The following DUSP8 variants were observed in gnomAD, a reference collection of about 807,000 sequenced individuals.
The protein encoded by DUSP8 is dual specificity phosphatase 8.
Under a neutral mutation model 38.7 loss-of-function variants are expected in DUSP8, and 15 were observed. The ratio of observed to expected loss-of-function variants is 0.39; its 90% CI spans 0.26 to 0.60. The LOEUF is 0.60. Among genes scored for constraint, DUSP8 ranks in the 20% least tolerant of loss-of-function variants. The pLI, the probability that DUSP8 is intolerant of heterozygous loss-of-function variation, is 0.56. For synonymous variants in DUSP8, 458 were observed against 433.9 expected, an observed-to-expected ratio of 1.06 and a Z score of -0.69; for missense variants, 768 against 915.0, an observed-to-expected ratio of 0.84 and a Z score of 2.07.
At chr11:1,570,026 C>T (rs946793454) in intron 1 of DUSP8, among the ~76,000 whole-genome samples, 6 of 152,174 alleles carry the variant, frequency 3.9e-5, no homozygotes, top group African/African-American at 1.4e-4. Context: ...TTGGCTAGTG[C>T]TGTAGGACCC....
rs1398950192 is a variant in DUSP8 at position 1,558,812 on chromosome 11, C to T, written c.537+77G>A. The stretch of plus-strand genomic sequence containing the variant: ...TCAGCTCCTTTCCTCCCTCATCCCC[C>T]GCTCCGCTGCCAAGCTGCTTCTGGA... On this transcript the variant is annotated intron_variant, in intron 4 of 6. Coordinates refer to ENST00000397374, the MANE Select transcript of DUSP8 (RefSeq NM_004420.3). The surrounding 1 kb of genome is among the most constrained non-coding windows in gnomAD (Gnocchi z 6.3). The T allele has an allele frequency of 6.6e-5, 100 of 1,506,110 alleles. No homozygotes were observed. Among genetic ancestry groups the T allele is most frequent in the Non-Finnish European group, 7.4e-5 (82 of 1,115,546 alleles). 93.3% of individuals were successfully genotyped at this position (1,506,110 alleles called of 1,614,324 possible). A position where few individuals can be genotyped will look rare whatever the true frequency, so the allele number is the denominator to read the frequency against.
At chr11:1,562,149 C>G (rs1416625396) in intron 3 of DUSP8, among the ~76,000 whole-genome samples, 2 of 152,178 alleles carry the variant, frequency 1.3e-5, no homozygotes, top group Non-Finnish European at 2.9e-5. Context: ...CCCACCTGCA[C>G]ACCCATGCTG....
At position 1,558,874 on chromosome 11, in the gene DUSP8, C is replaced by T; in HGVS notation, c.537+15G>A. 6.3e-7 allele frequency: 1 copy of T among 1,598,710 alleles called. No homozygotes were observed. Among genetic ancestry groups the T allele is most frequent in the South Asian group, 1.1e-5 (1 of 90,192 alleles). On this transcript the variant is annotated intron_variant, in intron 4 of 6. Transcript: ENST00000397374. This position sits in a 1 kb window ranked among gnomAD's most constrained non-coding sequence, Gnocchi z 6.3. ...TTTCCCATTGACCACCCCCCGAACT[C>T]CACTGCACACACACCTTGTTTAGGA...
Position 1,557,662 on chromosome 11 carries a change from C to T in DUSP8, c.822-88G>A, listed in dbSNP as rs576750165. ...CGCTGGGCACCCACGAGCTCATGTG[C>T]GCCAGGCTGGTCTCAGGCCCTCCTC... is the stretch of plus-strand genomic sequence containing the variant. On this transcript the variant is annotated intron_variant, in intron 6 of 6. Coordinates refer to ENST00000397374, the MANE Select transcript of DUSP8 (RefSeq NM_004420.3). The surrounding 1 kb of genome is among the most constrained non-coding windows in gnomAD (Gnocchi z 9.9). 4.3e-5 allele frequency: 66 copies of T among 1,546,234 alleles called. No individual in the cohort carries two copies. The highest frequency in any genetic ancestry group is 4.8e-4 in the Middle Eastern group (2 of 4,178).
chr11:1,557,841 G>T lies in DUSP8; in HGVS notation c.774C>A (p.Ile258=). The T allele has an allele frequency of 6.2e-7, 1 of 1,613,894 alleles. No homozygotes were observed. The highest frequency in any genetic ancestry group is 8.5e-7 in the Non-Finnish European group (1 of 1,180,010). ...TGCCCATGGTCTTCATGATGTAGGC[G>T]ATGGCGATGGTGGCAGAGCGGGAGA... ...AGISRSATIA[I]AYIMKTMGMS... is the part of the protein sequence containing the mutation. Residue 258 remains isoleucine, a synonymous_variant, in exon 6 of 7, where the codon ATC becomes ATA. Coordinates refer to ENST00000397374, the MANE Select transcript of DUSP8 (RefSeq NM_004420.3). The surrounding 1 kb of genome is among the most constrained non-coding windows in gnomAD (Gnocchi z 9.9).
intron 1 of DUSP8, among the ~76,000 whole-genome samples, chr11:1,570,846 C>A (rs1564938825): frequency 6.6e-6 from 1 of 152,120 alleles, no homozygotes; most frequent in Non-Finnish European, 1.5e-5. Flanking sequence ...GTGGGCTGTG[C>A]CAGAAGGGAG....
intron 3 of DUSP8, among the ~76,000 whole-genome samples, chr11:1,562,721 T>A (rs1848741980): frequency 6.6e-6 from 1 of 150,856 alleles, no homozygotes; most frequent in Non-Finnish European, 1.5e-5. Flanking sequence ...ACACACATGC[T>A]CACGTACACA....
In DUSP8 at chr11:1,557,441, G is replaced by A. The variant is rs1205892059; in HGVS notation, c.955C>T (p.Pro319Ser). Residue 319 changes from proline (P) to serine (S), a missense_variant, in exon 7 of 7, where the codon CCT becomes TCT. Physicochemically the swap from Pro to Ser is moderately conservative, Grantham distance 74. This residue lies in a region of DUSP8 where 474 missense variants were observed against 430.8 expected (regional missense o/e 1.10). Coordinates refer to ENST00000397374, the MANE Select transcript of DUSP8 (RefSeq NM_004420.3). This position sits in a 1 kb window ranked among gnomAD's most constrained non-coding sequence, Gnocchi z 9.9. ...DPGTPSGTPE[P>S]PPSPAAGAPL... ...GCCCCGGCGGCAGGACTGGGCGGAG[G>A]CTCCGGCGTCCCTGAGGGGGTGCCC... 4.5e-6 allele frequency: 7 copies of A among 1,562,914 alleles called. No individual in the cohort carries two copies. Among genetic ancestry groups the A allele is most frequent in the Non-Finnish European group, 6.0e-6 (7 of 1,166,300 alleles).
chr11:1,564,164 G>T (rs1175211781), intron 2 of DUSP8, among the ~76,000 whole-genome samples, 175 bp from the exon 3 acceptor site: 3 of 152,214 alleles, frequency 2.0e-5, no homozygotes, highest in Non-Finnish European at 1.5e-5. Flanking sequence ...TCCTCCATCT[G>T]CCAGAGGCCC....
Position 1,556,658 on chromosome 11 carries a change from C to G in DUSP8, c.1738G>C (p.Glu580Gln). ...RTGWPEEPAP[E>Q]TQFKRRSCQM... ...CAGCTGCGGCGCTTGAACTGCGTCT[C>G]CGGGGCCGGCTCCTCGGGCCAGCCG... Residue 580 changes from glutamate to glutamine, a missense_variant, in exon 7 of 7, where the codon GAG becomes CAG. Glu to Gln is a conservative substitution (Grantham distance 29). Transcript: ENST00000397374. The surrounding 1 kb of genome is among the most constrained non-coding windows in gnomAD (Gnocchi z 5.2). 7.2e-7 allele frequency: 1 copy of G among 1,394,090 alleles called. No individual in the cohort carries two copies. The highest frequency in any genetic ancestry group is 1.5e-5 in the South Asian group (1 of 64,728). The allele number at this position is 1,394,090 out of a possible 1,614,324, so 86.4% of individuals were successfully genotyped here. A position where few individuals can be genotyped will look rare whatever the true frequency, so the allele number is the denominator to read the frequency against.
chr11:1,572,505 T>C (rs1848923620), upstream of DUSP8, among the ~76,000 whole-genome samples: 9 of 151,150 alleles, frequency 6.0e-5, no homozygotes, highest in South Asian at 1.9e-3. The surrounding 1 kb of genome is among the most constrained non-coding windows in gnomAD (Gnocchi z 4.7). Flanking sequence ...GACCGGCTCT[T>C]AAAGGGACCA....
Position 1,556,878 on chromosome 11 carries a change from C to CCCGGGGCCGGCCGGCTGG in DUSP8, c.1500_1517dup (p.Gln501_Gly506dup), listed in dbSNP as rs1848634672. Reference sequence around the variant, plus strand: ...GGGAGTCGAGCGGCGGTGCCCAGGCCCCGGGGCCGGCCGGCTGGCCAGGGC... The same window carrying CCCGGGGCCGGCCGGCTGG: ...GGGAGTCGAGCGGCGGTGCCCAGGCCCCGGGGCCGGCCGGCTGGCCGGGGCCGGCCGGCTGGCCAGGGC... On this transcript the variant is annotated inframe_insertion, in exon 7 of 7. Transcript: ENST00000397374. The surrounding 1 kb of genome is among the most constrained non-coding windows in gnomAD (Gnocchi z 5.2). 2 of 1,110,636 alleles carry CCCGGGGCCGGCCGGCTGG rather than the reference C, an allele frequency of 1.8e-6. No individual in the cohort carries two copies. The highest frequency in any genetic ancestry group is 5.1e-5 in the Admixed American group (1 of 19,582). 68.8% of individuals were successfully genotyped at this position (1,110,636 alleles called of 1,614,324 possible). A position where few individuals can be genotyped will look rare whatever the true frequency, so the allele number is the denominator to read the frequency against.
chr11:1,557,619 C>A lies in DUSP8; in HGVS notation c.822-45G>T, dbSNP rs1848656937. The A allele has an allele frequency of 2.0e-6, 3 of 1,496,654 alleles. No homozygotes were observed. The highest frequency in any genetic ancestry group is 2.7e-6 in the Non-Finnish European group (3 of 1,126,870). The allele number at this position is 1,496,654 out of a possible 1,614,324, so 92.7% of individuals were successfully genotyped here. On this transcript the variant is annotated intron_variant, in intron 6 of 6. Transcript: ENST00000397374. This position sits in a 1 kb window ranked among gnomAD's most constrained non-coding sequence, Gnocchi z 9.9. ...GTCCCAGGCGCCCGCCGGGGCCAGG[C>A]TGCCCACCTGACGCACCCGCTGGGC...
chr11:1,558,148 G>A lies in DUSP8; in HGVS notation c.661C>T (p.Leu221=), dbSNP rs1345918969. 3.7e-6 allele frequency: 6 copies of A among 1,611,994 alleles called. No individual in the cohort carries two copies. In the African/African-American group the frequency reaches 5.3e-5, roughly 14 times the overall value. The change falls in exon 5 of 7, where the codon CTG becomes TTG. Residue 221 remains leucine (L), a synonymous_variant. Transcript: ENST00000397374. This position sits in a 1 kb window ranked among gnomAD's most constrained non-coding sequence, Gnocchi z 6.3. ...VPINDNYCEK[L]LPWLDKSIEF... is the part of the protein sequence containing the mutation. ...ATGGACTTGTCCAGCCAGGGCAGCA[G>A]TTTTTCACAGTAGTTGTCGTTGATG...
Position 1,557,774 on chromosome 11 carries a change from G to A in DUSP8, c.821+20C>T, listed in dbSNP as rs754286469. The A allele has an allele frequency of 1.2e-5, 19 of 1,612,186 alleles. No individual in the cohort carries two copies. The South Asian group carries it at 1.5e-4, about 13-fold the overall frequency. ...AAGCGACGCTGTGAGCCACAAGTGC[G>A]CGACTGGGGAAGGTGGTACCTGTAG... On this transcript the variant is annotated intron_variant, in intron 6 of 6. Coordinates refer to ENST00000397374, the MANE Select transcript of DUSP8 (RefSeq NM_004420.3). The surrounding 1 kb of genome is among the most constrained non-coding windows in gnomAD (Gnocchi z 9.9).
intron 3 of DUSP8, among the ~76,000 whole-genome samples, chr11:1,563,563 G>A (rs1054900398): frequency 9.2e-5 from 14 of 152,144 alleles, no homozygotes; most frequent in Admixed American, 1.3e-4. Flanking sequence ...CTCTGCCTCC[G>A]GCTTCTGACA....
chr11:1,563,987 C>T lies in DUSP8; in HGVS notation c.234G>A (p.Val78=). 2 of 1,473,088 alleles carry T rather than the reference C, an allele frequency of 1.4e-6. No individual in the cohort carries two copies. Among genetic ancestry groups the T allele is most frequent in the South Asian group, 1.3e-5 (1 of 74,510 alleles). 91.3% of individuals were successfully genotyped at this position (1,473,088 alleles called of 1,614,324 possible). Residue 78 remains valine, a splice_region_variant and synonymous_variant, in exon 3 of 7, where the codon GTG becomes GTA. Coordinates refer to ENST00000397374, the MANE Select transcript of DUSP8 (RefSeq NM_004420.3). ...CCACGTCCTGTGGCTCCGTAGCCTCCACCTGGGGGCCATGGGGCAGAGATC... is the reference window on the plus strand; with the variant it reads ...CCACGTCCTGTGGCTCCGTAGCCTCTACCTGGGGGCCATGGGGCAGAGATC... ...ELIQPAARSQ[V]EATEPQDVVV...
intron 1 of DUSP8, among the ~76,000 whole-genome samples, chr11:1,566,972 T>C (rs2133447031): frequency 6.6e-6 from 1 of 152,288 alleles, no homozygotes; most frequent in South Asian, 2.1e-4. Flanking sequence ...GGCCTTCCTC[T>C]GGGTCCACTT....
At chr11:1,565,518 G>A in intron 2 of DUSP8, 78 bp downstream of exon 2, 1 of 1,163,762 alleles carries the variant, frequency 8.6e-7, no homozygotes, top group South Asian at 1.4e-5. Context: ...CAGAGGAGGG[G>A]GGTGCTGCCC....
Sources: allele counts gnomAD v4.1 joint callset (sites outside exome capture counted in the v4.1 genomes callset), GRCh38; gene constraint gnomAD v4.1.1; regional missense constraint gnomAD v4.1.1; non-coding constraint Gnocchi (gnomAD v3.1); transcripts MANE v1.5; gene names NCBI Gene and HGNC (gene_info 2026-07-23, HGNC 2026-07-21).